TMPRSS7: variants seen among roughly 807,000 people sequenced by gnomAD.
The protein encoded by TMPRSS7 is transmembrane protease serine 7.
A neutral mutation model predicts 95.6 loss-of-function variants in TMPRSS7; 81 were observed. That is an observed-to-expected ratio of 0.85 (90% CI 0.71 to 1.02). TMPRSS7 has a LOEUF of 1.02. Among genes scored for constraint, TMPRSS7 ranks in the 50% least tolerant of loss-of-function variants. The pLI, the probability that TMPRSS7 is intolerant of heterozygous loss-of-function variation, is 0.00. For synonymous variants in TMPRSS7, 364 were observed against 337.8 expected (o/e 1.08, Z -0.85); for missense variants, 945 against 955.2 (o/e 0.99, Z 0.14).
At chr3:112,035,121 T>G (rs1411085286) in intron 1 of TMPRSS7, among the ~76,000 whole-genome samples, 2 of 152,264 alleles carry the variant, frequency 1.3e-5, no homozygotes, top group African/African-American at 4.8e-5. Flanking sequence ...TGTACTGATC[T>G]CTACACAAAT....
intron 5 of TMPRSS7, among the ~76,000 whole-genome samples, chr3:112,046,495 TA>T (rs2073279929): frequency 2.0e-5 from 3 of 152,184 alleles, no homozygotes; most frequent in Non-Finnish European, 4.4e-5. Context: ...AAGTATATTA[TA>T]AATTTGTGTG....
At chr3:112,044,954 G>A (rs1281335832) in intron 4 of TMPRSS7, among the ~76,000 whole-genome samples, 1 of 152,128 alleles carries the variant, frequency 6.6e-6, no homozygotes, top group Non-Finnish European at 1.5e-5. Flanking sequence ...CAGGCTCTGG[G>A]GGCCGACTGG....
exon 3 of TMPRSS7, chr3:112,041,957 G>C: frequency 3.2e-6 from 5 of 1,551,532 alleles, no homozygotes; most frequent in Non-Finnish European, 4.4e-6. Context: ...ACTTTGCTGG[G>C]ATGTTTCGCA....
intron 12 of TMPRSS7, among the ~76,000 whole-genome samples, chr3:112,065,629 A>G (rs1330320268): frequency 6.6e-6 from 1 of 152,198 alleles, no homozygotes; most frequent in Admixed American, 6.5e-5. Flanking sequence ...GACCTAATGA[A>G]CAATTTTAGG....
chr3:112,066,584 G>C, intron 13 of TMPRSS7, 82 bp downstream of exon 13: 2 of 1,266,720 alleles, frequency 1.6e-6, no homozygotes, highest in Non-Finnish European at 2.3e-6. Flanking sequence ...GATGGGTTAG[G>C]GGTTAGGGCA....
At chr3:112,073,328 A>C (rs2073673710) in intron 13 of TMPRSS7, among the ~76,000 whole-genome samples, 1 of 151,958 alleles carries the variant, frequency 6.6e-6, no homozygotes. Flanking sequence ...TCCTGACCTC[A>C]GGCAATCCAC....
chr3:112,054,640 G>A (rs929699037), intron 9 of TMPRSS7, among the ~76,000 whole-genome samples: 3 of 149,156 alleles, frequency 2.0e-5, no homozygotes, highest in Non-Finnish European at 3.0e-5. Context: ...ATGCCTAACT[G>A]AGCTTCTTGT....
intron 13 of TMPRSS7, among the ~76,000 whole-genome samples, chr3:112,071,216 G>A (rs1053504348): frequency 5.3e-5 from 8 of 152,138 alleles, no homozygotes; most frequent in Admixed American, 5.2e-4. Flanking sequence ...GCTTAGTTTG[G>A]CTGGATATGA....
chr3:112,045,666 G>A, intron 4 of TMPRSS7, 84 bp from the exon 5 acceptor site: 1 of 1,342,870 alleles, frequency 7.4e-7, no homozygotes, highest in South Asian at 1.5e-5. Context: ...GTGCTCATTG[G>A]CCTTACCTTG....
exon 16 of TMPRSS7, chr3:112,076,908 T>G (rs2073716473): frequency 6.2e-7 from 1 of 1,614,044 alleles, no homozygotes; most frequent in African/African-American, 1.3e-5. Flanking sequence ...ACTGCACACC[T>G]CGGGATGTAT....
intron 9 of TMPRSS7, among the ~76,000 whole-genome samples, chr3:112,054,000 A>G (rs2073398464): frequency 6.6e-6 from 1 of 152,378 alleles, no homozygotes. Context: ...TAGGTCTGCC[A>G]GGCATAAGCA....
At chr3:112,076,480 A>G (rs1240553859) in intron 15 of TMPRSS7, among the ~76,000 whole-genome samples, 1 of 152,304 alleles carries the variant, frequency 6.6e-6, no homozygotes, top group Non-Finnish European at 1.5e-5. Context: ...TATCATTTGA[A>G]TTTGGTAGTA....
chr3:112,044,132 C>G (rs994689349), intron 3 of TMPRSS7, 123 bp from the exon 4 acceptor site: 1 of 643,758 alleles, frequency 1.6e-6, no homozygotes, highest in Admixed American at 2.4e-5. Flanking sequence ...GAGTTAGGAG[C>G]CTTTATTTTG....
In TMPRSS7 at chr3:112,047,976, CA is replaced by C. The variant is rs2073301058; in HGVS notation, c.959+10del. The C allele has an allele frequency of 6.2e-7, 1 of 1,605,704 alleles. No homozygotes were observed. The highest frequency in any genetic ancestry group is 1.7e-5 in the Admixed American group (1 of 59,940). On this transcript the variant is annotated intron_variant, in intron 7 of 17. Transcript: ENST00000452346. ...AGCAGCATCTTGTACAGGTACGATG[CA>C]GGTACTCTTCTTGGTGGGTAAAAAT...
intron 9 of TMPRSS7, among the ~76,000 whole-genome samples, chr3:112,055,047 A>G (rs866411567): frequency 1.3e-5 from 2 of 152,180 alleles, no homozygotes; most frequent in Non-Finnish European, 2.9e-5. Context: ...GCCAGTTTAC[A>G]TATTTTTTAT....
At chr3:112,047,263 C>A in intron 6 of TMPRSS7, 1 of 603,854 alleles carries the variant, frequency 1.7e-6, no homozygotes, top group South Asian at 1.8e-5. Flanking sequence ...TGCATCTCTG[C>A]CTACTTCTAT....
At chr3:112,048,763 G>C (rs145574612) in intron 7 of TMPRSS7, among the ~76,000 whole-genome samples, 1 of 152,312 alleles carries the variant, frequency 6.6e-6, no homozygotes, top group African/African-American at 2.4e-5. Flanking sequence ...TGAAAAGTAA[G>C]TTTGCCACTG....
At chr3:112,073,025 CCCG>C (rs1175147687) in intron 13 of TMPRSS7, among the ~76,000 whole-genome samples, 3 of 152,126 alleles carry the variant, frequency 2.0e-5, no homozygotes, top group Non-Finnish European at 2.9e-5. Context: ...AATTTACACT[CCCG>C]CCAACAGTGT....
intron 2 of TMPRSS7, among the ~76,000 whole-genome samples, chr3:112,039,225 T>C (rs758027256): frequency 6.6e-6 from 1 of 152,224 alleles, no homozygotes; most frequent in Non-Finnish European, 1.5e-5. Flanking sequence ...CTATACATGT[T>C]AATGTATTTG....
Sources: allele counts gnomAD v4.1 joint callset (sites outside exome capture counted in the v4.1 genomes callset), GRCh38; gene constraint gnomAD v4.1.1; transcripts MANE v1.5; gene names NCBI Gene and HGNC (gene_info 2026-07-23, HGNC 2026-07-21).